SKAP2: variants seen among roughly 807,000 people sequenced by gnomAD.
SKAP2 encodes the protein src kinase associated phosphoprotein 2.
SKAP2 carries 28 observed loss-of-function variants against 54.9 expected under a neutral mutation model. That is an observed-to-expected ratio of 0.51 (90% CI 0.38 to 0.70). SKAP2 has a LOEUF of 0.70. Among genes scored for constraint, SKAP2 ranks in the 30% least tolerant of loss-of-function variants. The pLI is 0.00. For synonymous variants in SKAP2, 137 were observed against 134.3 expected, an observed-to-expected ratio of 1.02 and a Z score of -0.14; for missense variants, 356 against 424.1, an observed-to-expected ratio of 0.84 and a Z score of 1.41.
intron 4 of SKAP2, among the ~76,000 whole-genome samples, chr7:26,795,971 C>T (rs1783769278): frequency 6.6e-6 from 1 of 152,060 alleles, no homozygotes; most frequent in African/African-American, 2.4e-5. Context: ...TTTTAGAGAT[C>T]TGTGACAATT....
intron 4 of SKAP2, among the ~76,000 whole-genome samples, chr7:26,797,651 G>A (rs987097956): frequency 6.6e-6 from 1 of 152,030 alleles, no homozygotes; most frequent in Admixed American, 6.6e-5. Flanking sequence ...CACCATCCAG[G>A]AAAACATGAC....
At chr7:26,851,645 A>G (rs551459162) in intron 3 of SKAP2, among the ~76,000 whole-genome samples, 152 of 152,062 alleles carry the variant, frequency 1.0e-3, no homozygotes, top group Non-Finnish European at 1.9e-3. Context: ...CAGCACACCA[A>G]CATGGCACAT....
At chr7:26,822,016 TGTAA>T (rs1205530300) in intron 4 of SKAP2, among the ~76,000 whole-genome samples, 9 of 151,770 alleles carry the variant, frequency 5.9e-5, no homozygotes, top group Non-Finnish European at 8.8e-5. Flanking sequence ...TAATTATTAA[TGTAA>T]GTATTTTATT....
rs529429040 is a variant in SKAP2, at chr7:26,761,538, T to C, written c.308-21574A>G. Among the ~76,000 whole-genome samples, 5 of 152,330 alleles carry C rather than the reference T, an allele frequency of 3.3e-5. No homozygotes were observed. In the South Asian group the frequency reaches 8.3e-4, roughly 25 times the overall value. On this transcript the variant is annotated intron_variant, in intron 4 of 12. Transcript: ENST00000345317. ...ATATCACCAAATCCTACAAGACAAC[T>C]GGCTCTAATTCGCTTTACTGAAGGA...
chr7:26,713,141 T>C (rs758228830), intron 9 of SKAP2, among the ~76,000 whole-genome samples: 4 of 152,204 alleles, frequency 2.6e-5, no homozygotes, highest in East Asian at 1.9e-4. Context: ...CACCCCAGGA[T>C]TGTCCATGCT....
chr7:26,730,662 G>C (rs1231943677), intron 6 of SKAP2, among the ~76,000 whole-genome samples: 1 of 152,218 alleles, frequency 6.6e-6, no homozygotes, highest in Non-Finnish European at 1.5e-5. Context: ...TGAATGTAAT[G>C]TCTACAGAAC....
intron 9 of SKAP2, among the ~76,000 whole-genome samples, chr7:26,709,322 T>C (rs1280559382): frequency 2.0e-5 from 3 of 152,116 alleles, no homozygotes; most frequent in Non-Finnish European, 4.4e-5. Flanking sequence ...GCAGGACTCA[T>C]AAGCAGTGGT....
At chr7:26,809,990 A>G (rs1451114905) in intron 4 of SKAP2, among the ~76,000 whole-genome samples, 6 of 152,192 alleles carry the variant, frequency 3.9e-5, no homozygotes, top group African/African-American at 1.4e-4. Context: ...AGTTAAGTAA[A>G]AAAGCCAGGC....
chr7:26,838,941 C>T (rs1314894676), intron 4 of SKAP2, among the ~76,000 whole-genome samples: 1 of 152,148 alleles, frequency 6.6e-6, no homozygotes, highest in Non-Finnish European at 1.5e-5. Context: ...TATTCACCCC[C>T]AATTGCCCTG....
At chr7:26,799,980 C>T (rs917936236) in intron 4 of SKAP2, among the ~76,000 whole-genome samples, 1 of 148,284 alleles carries the variant, frequency 6.7e-6, no homozygotes, top group African/African-American at 2.5e-5. Flanking sequence ...AAAAATTAGC[C>T]ATTTGTGGTG....
At chr7:26,706,375 G>GA (rs1562581887) in intron 9 of SKAP2, among the ~76,000 whole-genome samples, 2 of 151,704 alleles carry the variant, frequency 1.3e-5, no homozygotes. Context: ...TAATATCTAT[G>GA]TTTTTTTTAT....
At position 26,864,450 on chromosome 7, in the gene SKAP2, C is replaced by A; in HGVS notation, c.-21G>T. ...GGCATGTTAGGGAGCGCAGGGCGTGCGGGGAAAGGACCTGCGCTGAAAAGG... is the reference window on the plus strand; with the variant it reads ...GGCATGTTAGGGAGCGCAGGGCGTGAGGGGAAAGGACCTGCGCTGAAAAGG... On this transcript the variant is annotated 5_prime_UTR_variant, in exon 1 of 13. Transcript: ENST00000345317. 6.3e-7 allele frequency: 1 copy of A among 1,589,616 alleles called. No individual in the cohort carries two copies. Among genetic ancestry groups the A allele is most frequent in the Non-Finnish European group, 8.6e-7 (1 of 1,167,666 alleles).
intron 9 of SKAP2, among the ~76,000 whole-genome samples, chr7:26,707,091 G>A (rs988979597): frequency 6.6e-6 from 1 of 152,146 alleles, no homozygotes; most frequent in African/African-American, 2.4e-5. Flanking sequence ...CAGGCACAGT[G>A]GGTCACACCT....
At chr7:26,856,753 C>A (rs1785171789) in intron 1 of SKAP2, among the ~76,000 whole-genome samples, 1 of 152,196 alleles carries the variant, frequency 6.6e-6, no homozygotes, top group Admixed American at 6.5e-5. Context: ...GGAAGAATCA[C>A]TGGCCCAATG....
chr7:26,825,449 A>C (rs1784469529), intron 4 of SKAP2, among the ~76,000 whole-genome samples: 1 of 152,252 alleles, frequency 6.6e-6, no homozygotes, highest in African/African-American at 2.4e-5. Flanking sequence ...GTTTAGTTCT[A>C]ATCTATACAA....
At chr7:26,659,108 T>A in the SKAP2 span, among the ~76,000 whole-genome samples, 1 of 152,174 alleles carries the variant, frequency 6.6e-6, no homozygotes, top group Admixed American at 6.5e-5. Flanking sequence ...CTGGACATAA[T>A]CTTTATTAAA....
chr7:26,737,967 T>A (rs913424672), intron 6 of SKAP2, among the ~76,000 whole-genome samples: 13 of 152,174 alleles, frequency 8.5e-5, no homozygotes, highest in Non-Finnish European at 1.5e-4. Flanking sequence ...AAATTTGAGC[T>A]GGGTACAGCG....
the SKAP2 span, among the ~76,000 whole-genome samples, chr7:26,656,400 T>C: frequency 5.1e-4 from 77 of 152,358 alleles, no homozygotes; most frequent in African/African-American, 1.7e-3. Context: ...CTTTAAAGAT[T>C]GTGTTCATAT....
intron 9 of SKAP2, among the ~76,000 whole-genome samples, chr7:26,696,900 G>A (rs1012052314): frequency 1.3e-5 from 2 of 152,024 alleles, no homozygotes; most frequent in Admixed American, 6.6e-5. Context: ...AGAGCAAGAC[G>A]CTGTCTCTAA....
Sources: allele counts gnomAD v4.1 joint callset (sites outside exome capture counted in the v4.1 genomes callset), GRCh38; gene constraint gnomAD v4.1.1; transcripts MANE v1.5; gene names NCBI Gene and HGNC (gene_info 2026-07-23, HGNC 2026-07-21).